CACNA1B: variants seen among roughly 807,000 people sequenced by gnomAD.
CACNA1B encodes calcium voltage-gated channel subunit alpha1 B.
In CACNA1B, 70 loss-of-function variants were observed where a neutral mutation model predicts 247.2. The observed-to-expected ratio is 0.28, with a 90% CI of 0.23 to 0.35. The LOEUF (loss-of-function observed/expected upper bound fraction) is 0.35. Among genes scored for constraint, CACNA1B ranks in the 10% least tolerant of loss-of-function variants. CACNA1B has a pLI of 1.00. For missense variants in CACNA1B, 2,367 were observed against 3,197.4 expected, an observed-to-expected ratio of 0.74 and a Z score of 6.26; for synonymous variants, 1,231 against 1,294.4, an observed-to-expected ratio of 0.95 and a Z score of 1.05.
intron 3 of CACNA1B, among the ~76,000 whole-genome samples, chr9:137,886,828 T>A (rs1265563588): frequency 6.6e-6 from 1 of 151,852 alleles, no homozygotes; most frequent in African/African-American, 2.4e-5. Context: ...TCCCCACATA[T>A]GAAATGAGAT....
Position 138,047,347 on chromosome 9 carries a change from C to G in CACNA1B, c.3544-52C>G. On this transcript the variant is annotated intron_variant, in intron 22 of 46. Coordinates refer to ENST00000371372, the MANE Select transcript of CACNA1B (RefSeq NM_000718.4). ...AAAACTCGGAGCCACCGAGGGCACC[C>G]TGGCTCAGATTTCAGCCCAGCCTTT... 2 of 1,404,838 alleles carry G rather than the reference C, an allele frequency of 1.4e-6. 1 individual carries two copies. Among genetic ancestry groups the G allele is most frequent in the South Asian group, 2.3e-5 (2 of 86,366 alleles). 87.0% of individuals were successfully genotyped at this position (1,404,838 alleles called of 1,614,324 possible).
At chr9:138,069,885 T>C in intron 32 of CACNA1B, 122 bp downstream of exon 32, 12 of 839,876 alleles carry the variant, frequency 1.4e-5, no homozygotes, top group East Asian at 2.6e-5. Context: ...TGGATGCGGC[T>C]GCATCCACTC....
At chr9:138,032,833 G>T (rs1436451067) in intron 20 of CACNA1B, 10 of 368,624 alleles carry the variant, frequency 2.7e-5, no homozygotes, top group Non-Finnish European at 4.7e-5. Flanking sequence ...TATTTCAGAA[G>T]TTTGATTACA....
At position 137,986,371 on chromosome 9, in the gene CACNA1B, C is replaced by G. The variant is rs1958361664; in HGVS notation, c.1770-42C>G. On this transcript the variant is annotated intron_variant, in intron 13 of 46. Transcript: ENST00000371372. This position sits in a 1 kb window ranked among gnomAD's most constrained non-coding sequence, Gnocchi z 6.0. ...CTGCAGAGAGCCATGAATGTGAAGT[C>G]AGCGTCTGGAGCTGGCTCAGACCCC... is the stretch of plus-strand genomic sequence containing the variant. The G allele has an allele frequency of 2.5e-6, 4 of 1,608,422 alleles. No homozygotes were observed. Among genetic ancestry groups the G allele is most frequent in the African/African-American group, 2.7e-5 (2 of 74,800 alleles).
At chr9:137,896,395 G>A (rs1386825199) in intron 3 of CACNA1B, among the ~76,000 whole-genome samples, 1 of 152,152 alleles carries the variant, frequency 6.6e-6, no homozygotes, top group African/African-American at 2.4e-5. Flanking sequence ...ATGATCATGT[G>A]ATGTTTCTTC....
At position 138,079,742 on chromosome 9, in the gene CACNA1B, C is replaced by CAA. The variant is rs141292393; in HGVS notation, c.5094+1506_5094+1507dup. Among the ~76,000 whole-genome samples, 206 of 41,044 alleles carry CAA rather than the reference C, an allele frequency of 5.0e-3. 1 individual carries two copies. Among genetic ancestry groups the CAA allele is most frequent in the African/African-American group, 5.7e-3 (68 of 11,932 alleles). The allele number at this position is 41,044 out of a possible 152,430, so 26.9% of individuals were successfully genotyped here. A position where few individuals can be genotyped will look rare whatever the true frequency, so the allele number is the denominator to read the frequency against. On this transcript the variant is annotated intron_variant, in intron 36 of 46. Transcript: ENST00000371372. ...TGGGCAACAGAGCCAGACTCCATCTCAAAAAAAAAAAAAAAAAAAAAAAGA... is the reference window on the plus strand; with the variant it reads ...TGGGCAACAGAGCCAGACTCCATCTCAAAAAAAAAAAAAAAAAAAAAAAAAGA...
At chr9:138,094,442 T>TAAAAAAAAAAAAA (rs753995157) in intron 36 of CACNA1B, among the ~76,000 whole-genome samples, 23 of 93,692 alleles carry the variant, frequency 2.5e-4, no homozygotes, top group African/African-American at 5.7e-4. Flanking sequence ...TTTACTACAG[T>TAAAAAAAAAAAAA]AAAAAAAAAA....
Position 138,074,012 on chromosome 9 carries a change from C to T in CACNA1B, c.4803C>T (p.Tyr1601=), listed in dbSNP as rs755604101. 5.6e-6 allele frequency: 9 copies of T among 1,612,016 alleles called. No individual in the cohort carries two copies. The East Asian group carries it at 1.3e-4, about 24-fold the overall frequency. ...CCCTGTCTCCGCAGGCCCTGCCCTA[C>T]GTGTGTCTGCTCATTGCCATGCTGT... ...TFVQSFKALP[Y]VCLLIAMLFF... The change falls in exon 34 of 47, where the codon TAC becomes TAT. Residue 1601 remains tyrosine, a synonymous_variant. Coordinates refer to ENST00000371372, the MANE Select transcript of CACNA1B (RefSeq NM_000718.4).
chr9:138,016,234 C>A (rs1233551972), intron 18 of CACNA1B, among the ~76,000 whole-genome samples: 1 of 152,216 alleles, frequency 6.6e-6, no homozygotes, highest in Non-Finnish European at 1.5e-5. Context: ...GAAGCCAGAG[C>A]CTGTGGGCAA....
In CACNA1B at chr9:137,956,799, G is replaced by C; in HGVS notation, c.1215G>C (p.Arg405Ser). Residue 405 changes from arginine to serine, a missense_variant, in exon 9 of 47, where the codon AGG becomes AGC. Arg to Ser is a moderately radical substitution (Grantham distance 110). Coordinates refer to ENST00000371372, the MANE Select transcript of CACNA1B (RefSeq NM_000718.4). ...AAGTCATGCTGGCCGAGGAGGACAG[G>C]AATGCAGAGGAGAAGTCCCCTTTGG... ...AEEVMLAEED[R>S]NAEEKSPLDV... is the part of the protein sequence containing the mutation. The C allele has an allele frequency of 6.2e-7, 1 of 1,613,882 alleles. No homozygotes were observed. Among genetic ancestry groups the C allele is most frequent in the South Asian group, 1.1e-5 (1 of 91,074 alleles).
Position 137,954,825 on chromosome 9 carries a change from C to A in CACNA1B, c.1071-873C>A, listed in dbSNP as rs1957925216. 6.7e-6 allele frequency among the ~76,000 whole-genome samples: 1 copy of A among 149,478 alleles called. No homozygotes were observed. The highest frequency in any genetic ancestry group is 2.5e-5 in the African/African-American group (1 of 39,686). On this transcript the variant is annotated intron_variant, in intron 7 of 46. Coordinates refer to ENST00000371372, the MANE Select transcript of CACNA1B (RefSeq NM_000718.4). The surrounding 1 kb of genome is among the most constrained non-coding windows in gnomAD (Gnocchi z 4.1). ...GGGGCTGTGTGTGCTGGGAGTCATACCTGCCACACCCACTCCACCAACTCA... is the reference window on the plus strand; with the variant it reads ...GGGGCTGTGTGTGCTGGGAGTCATAACTGCCACACCCACTCCACCAACTCA...
chr9:138,115,920 A>G (rs1278714938), intron 42 of CACNA1B, among the ~76,000 whole-genome samples: 1 of 152,210 alleles, frequency 6.6e-6, no homozygotes, highest in African/African-American at 2.4e-5. Flanking sequence ...TGGCTTTGCT[A>G]CAGATGCTTG....
At chr9:138,086,172 C>T (rs978661163) in intron 36 of CACNA1B, among the ~76,000 whole-genome samples, 2 of 151,202 alleles carry the variant, frequency 1.3e-5, no homozygotes, top group Admixed American at 1.3e-4. Context: ...AATTCCCTCA[C>T]TTAAAGTATA....
chr9:137,954,221 G>A lies in CACNA1B; in HGVS notation c.1071-1477G>A, dbSNP rs1203888791. Among the ~76,000 whole-genome samples the A allele has an allele frequency of 6.6e-6, 1 of 152,196 alleles. No individual in the cohort carries two copies. The highest frequency in any genetic ancestry group is 1.5e-5 in the Non-Finnish European group (1 of 68,018). ...ACCCCCCATGTGGGTCCTGCACCCC[G>A]GGGTGGCAGTGGTGAGAGGCCGCCT... is the stretch of plus-strand genomic sequence containing the variant. On this transcript the variant is annotated intron_variant, in intron 7 of 46. Transcript: ENST00000371372. The surrounding 1 kb of genome is among the most constrained non-coding windows in gnomAD (Gnocchi z 4.1).
chr9:137,934,609 A>G (rs1292969246), intron 6 of CACNA1B, among the ~76,000 whole-genome samples: 1 of 152,228 alleles, frequency 6.6e-6, no homozygotes, highest in Non-Finnish European at 1.5e-5. Flanking sequence ...CTGTGCTGGT[A>G]TCCACAGCTG....
In CACNA1B at chr9:138,017,838, G is replaced by A. The variant is rs113196953; in HGVS notation, c.2267+4603G>A. 4.4e-3 allele frequency among the ~76,000 whole-genome samples: 674 copies of A among 152,356 alleles called. 6 individuals are homozygous for A. The highest frequency in any genetic ancestry group is 0.015 in the African/African-American group (632 of 41,582). ...GGAAGTGCTCATGGATGGCTGGTCC[G>A]CAGGGGCTTCCCCTGGAGGGCAAGG... is the stretch of plus-strand genomic sequence containing the variant. On this transcript the variant is annotated intron_variant, in intron 18 of 46. Coordinates refer to ENST00000371372, the MANE Select transcript of CACNA1B (RefSeq NM_000718.4).
chr9:138,031,475 C>T (rs559652637), intron 20 of CACNA1B, among the ~76,000 whole-genome samples: 10 of 152,246 alleles, frequency 6.6e-5, no homozygotes, highest in African/African-American at 2.4e-4. Flanking sequence ...AGGGAACATG[C>T]ATTCTGTGTT....
intron 12 of CACNA1B, among the ~76,000 whole-genome samples, chr9:137,982,483 G>A (rs988583541): frequency 6.6e-6 from 1 of 152,230 alleles, no homozygotes; most frequent in Non-Finnish European, 1.5e-5. Context: ...TGTTTACTAA[G>A]AGTGAGTCAC....
Position 138,102,646 on chromosome 9 carries a change from T to G in CACNA1B, c.5223-65T>G. 1 of 501,938 alleles carries G rather than the reference T, an allele frequency of 2.0e-6. No individual in the cohort carries two copies. The highest frequency in any genetic ancestry group is 3.6e-6 in the Non-Finnish European group (1 of 279,876). The allele number at this position is 501,938 out of a possible 1,614,324, so 31.1% of individuals were successfully genotyped here. ...TACCCCGCTCCCCTCCCCGCTCCCC[T>G]CCTGCTGCCGCTCCTCCTGTGGACC... On this transcript the variant is annotated intron_variant, in intron 37 of 46. Coordinates refer to ENST00000371372, the MANE Select transcript of CACNA1B (RefSeq NM_000718.4). The surrounding 1 kb of genome is among the most constrained non-coding windows in gnomAD (Gnocchi z 5.4).
Sources: allele counts gnomAD v4.1 joint callset (sites outside exome capture counted in the v4.1 genomes callset), GRCh38; gene constraint gnomAD v4.1.1; non-coding constraint Gnocchi (gnomAD v3.1); transcripts MANE v1.5; gene names NCBI Gene and HGNC (gene_info 2026-07-23, HGNC 2026-07-21).